TRPM3: variants seen among roughly 807,000 people sequenced by gnomAD.
TRPM3 encodes long transient receptor potential channel 3.
Under a neutral mutation model 181.2 loss-of-function variants are expected in TRPM3, and 77 were observed. That is an observed-to-expected ratio of 0.42 (90% confidence interval 0.35 to 0.51). The LOEUF is 0.51. Ranked by LOEUF, TRPM3 falls within the 20% of genes least tolerant of loss-of-function variation. TRPM3 has a pLI of 0.01. For missense variants in TRPM3, 1,759 were observed against 2,196.7 expected, an observed-to-expected ratio of 0.80 and a Z score of 3.98; for synonymous variants, 745 against 796.4, an observed-to-expected ratio of 0.94 and a Z score of 1.09.
At chr9:70,991,040 T>C (rs1242076794) in intron 1 of TRPM3, among the ~76,000 whole-genome samples, 2 of 152,332 alleles carry the variant, frequency 1.3e-5, no homozygotes, top group East Asian at 1.9e-4. Flanking sequence ...TGCTCAGTTG[T>C]AGGCTTTCTC....
intron 25 of TRPM3, among the ~76,000 whole-genome samples, chr9:70,545,954 C>T (rs1457338176): frequency 2.6e-5 from 4 of 152,124 alleles, no homozygotes; most frequent in African/African-American, 9.7e-5. Flanking sequence ...TTGGGTGTAA[C>T]CAGAGAATGC....
At chr9:71,350,830 G>A (rs1408925904) in intron 1 of TRPM3, among the ~76,000 whole-genome samples, 5 of 152,134 alleles carry the variant, frequency 3.3e-5, no homozygotes, top group Non-Finnish European at 7.4e-5. Context: ...GCAGAAAGAT[G>A]TACCTTCCAG....
chr9:71,304,656 A>G (rs1007077334), intron 1 of TRPM3, among the ~76,000 whole-genome samples: 2 of 152,226 alleles, frequency 1.3e-5, no homozygotes, highest in African/African-American at 4.8e-5. Flanking sequence ...TGGAAAATAA[A>G]GTACTAAAAA....
At chr9:70,741,787 CG>C in intron 8 of TRPM3, among the ~76,000 whole-genome samples, 1 of 152,068 alleles carries the variant, frequency 6.6e-6, no homozygotes, top group Admixed American at 6.6e-5. Context: ...GATGCAAAAA[CG>C]TAAGAATGAT....
At chr9:71,185,260 T>C (rs1454381565) in intron 1 of TRPM3, among the ~76,000 whole-genome samples, 1 of 152,118 alleles carries the variant, frequency 6.6e-6, no homozygotes, top group African/African-American at 2.4e-5. Context: ...ATCCTGCATA[T>C]AAAACTAAGT....
At chr9:71,273,740 G>A (rs1003298110) in intron 1 of TRPM3, among the ~76,000 whole-genome samples, 2 of 152,148 alleles carry the variant, frequency 1.3e-5, no homozygotes, top group Non-Finnish European at 2.9e-5. Flanking sequence ...ACAAATGTAT[G>A]CAACTTTTTA....
At chr9:70,962,916 G>A (rs1157766042) in intron 1 of TRPM3, among the ~76,000 whole-genome samples, 2 of 152,116 alleles carry the variant, frequency 1.3e-5, no homozygotes, top group Non-Finnish European at 2.9e-5. Flanking sequence ...ATGTCCTTAT[G>A]AAAGATAAAT....
intron 1 of TRPM3, among the ~76,000 whole-genome samples, chr9:71,019,480 CT>C (rs2097823175): frequency 6.6e-6 from 1 of 151,864 alleles, no homozygotes; most frequent in Admixed American, 6.6e-5. Flanking sequence ...TTTAAAGTTC[CT>C]GTTTGCATCA....
chr9:70,862,783 C>T (rs1372044685), intron 3 of TRPM3, 125 bp downstream of exon 3: 1 of 933,674 alleles, frequency 1.1e-6, no homozygotes, highest in Non-Finnish European at 1.7e-6. Flanking sequence ...GAGCAGGTCA[C>T]CTCATCAGAC....
At chr9:71,101,390 G>C in intron 1 of TRPM3, among the ~76,000 whole-genome samples, 1 of 152,090 alleles carries the variant, frequency 6.6e-6, no homozygotes, top group East Asian at 1.9e-4. Context: ...ACTAATGTAG[G>C]AAAATGTGCC....
intron 22 of TRPM3, among the ~76,000 whole-genome samples, chr9:70,573,079 A>G (rs1019882907): frequency 2.6e-5 from 4 of 152,190 alleles, no homozygotes; most frequent in Admixed American, 2.0e-4. Flanking sequence ...TTAAAGGAAC[A>G]TAATTTATAA....
At chr9:71,320,565 C>T (rs976462086) in intron 1 of TRPM3, among the ~76,000 whole-genome samples, 4 of 152,168 alleles carry the variant, frequency 2.6e-5, no homozygotes, top group Non-Finnish European at 4.4e-5. Flanking sequence ...CCCTGGACAC[C>T]TCATTGTTCA....
At chr9:70,678,007 T>C (rs1282637655) in intron 9 of TRPM3, among the ~76,000 whole-genome samples, 3 of 151,968 alleles carry the variant, frequency 2.0e-5, no homozygotes, top group Non-Finnish European at 4.4e-5. Flanking sequence ...GACATACTTA[T>C]GTTCAAAAAT....
intron 6 of TRPM3, chr9:70,826,736 T>G (rs756484845): frequency 6.6e-6 from 1 of 152,248 alleles, no homozygotes; most frequent in South Asian, 2.1e-4. Context: ...AAAACTCATC[T>G]AGCCAAAGGG....
At chr9:71,135,873 A>C (rs1444253631) in intron 1 of TRPM3, among the ~76,000 whole-genome samples, 2 of 152,234 alleles carry the variant, frequency 1.3e-5, no homozygotes, top group East Asian at 1.9e-4. Flanking sequence ...TACAAAATAC[A>C]AACATTATTT....
At position 70,967,355 on chromosome 9, in the gene TRPM3, G is replaced by T. The variant is rs745900188; in HGVS notation, c.178-102844C>A. On this transcript the variant is annotated intron_variant, in intron 1 of 25. Coordinates refer to ENST00000677713, the MANE Select transcript of TRPM3 (RefSeq NM_001366145.2). ...GGAAATCTTGACTGGGACTTGAGTG[G>T]GTTGAATTTGGATGGTAAGACATAA... is the stretch of plus-strand genomic sequence containing the variant. Among the ~76,000 whole-genome samples, 69 of 151,696 alleles carry T rather than the reference G, an allele frequency of 4.5e-4. 1 individual carries two copies. Among genetic ancestry groups the T allele is most frequent in the Admixed American group, 4.1e-3 (63 of 15,186 alleles).
chr9:71,153,676 C>T (rs1267842082), intron 1 of TRPM3, among the ~76,000 whole-genome samples: 2 of 152,082 alleles, frequency 1.3e-5, no homozygotes, highest in African/African-American at 2.4e-5. Flanking sequence ...GATAATTTTG[C>T]AGCTGAGTCA....
chr9:71,135,750 C>T (rs1297325286), intron 1 of TRPM3, among the ~76,000 whole-genome samples: 1 of 152,086 alleles, frequency 6.6e-6, no homozygotes, highest in Non-Finnish European at 1.5e-5. Context: ...ACATCTGGCT[C>T]AGATATATTT....
In TRPM3 at chr9:70,531,426, T is replaced by A. The variant is rs1390809243; in HGVS notation, c.*4527A>T. On this transcript the variant is annotated 3_prime_UTR_variant, in exon 26 of 26. Coordinates refer to ENST00000677713, the MANE Select transcript of TRPM3 (RefSeq NM_001366145.2). ...GCTTAAGCGTCACAGCAGGCAATAG[T>A]AAAATGTTAAGTGCCTTAGAAAAGT... The A allele has an allele frequency of 2.0e-5, 3 of 152,182 alleles. No homozygotes were observed. The highest frequency in any genetic ancestry group is 7.2e-5 in the African/African-American group (3 of 41,442). The allele number at this position is 152,182 out of a possible 1,614,324, so 9.4% of individuals were successfully genotyped here. A position where few individuals can be genotyped will look rare whatever the true frequency, so the allele number is the denominator to read the frequency against.
Sources: allele counts gnomAD v4.1 joint callset (sites outside exome capture counted in the v4.1 genomes callset), GRCh38; gene constraint gnomAD v4.1.1; transcripts MANE v1.5; gene names NCBI Gene and HGNC (gene_info 2026-07-23, HGNC 2026-07-21).